The following EMCN variants were observed in gnomAD, a reference collection of about 807,000 sequenced individuals.
EMCN encodes the protein MUC-14.
Under a neutral mutation model 38.4 loss-of-function variants are expected in EMCN, and 37 were observed. That is an observed-to-expected ratio of 0.96 (90% CI 0.74 to 1.27). The LOEUF (loss-of-function observed/expected upper bound fraction) is 1.27, where lower values mean the gene tolerates loss of function less well. Among genes scored for constraint, EMCN ranks in the 50% most tolerant of loss-of-function variants. The pLI is 0.00. For synonymous variants in EMCN, 95 were observed against 100.8 expected, an observed-to-expected ratio of 0.94 and a Z score of 0.35; for missense variants, 318 against 302.8, an observed-to-expected ratio of 1.05 and a Z score of -0.37.
intron 3 of EMCN, among the ~76,000 whole-genome samples, chr4:100,469,781 T>G (rs357660): frequency 0.82 from 124,266 of 151,952 alleles, 52,224 homozygotes; most frequent in South Asian, 0.96. Context: ...CTGTTCCATT[T>G]GTCTATGGTT....
chr4:100,464,695 C>A (rs1351833376), intron 4 of EMCN, among the ~76,000 whole-genome samples: 1 of 152,008 alleles, frequency 6.6e-6, no homozygotes, highest in Admixed American at 6.6e-5. Context: ...TTAAACTAAT[C>A]TTGCATTTCT....
chr4:100,436,144 A>G (rs1727345726), intron 5 of EMCN, among the ~76,000 whole-genome samples: 1 of 152,102 alleles, frequency 6.6e-6, no homozygotes, highest in African/African-American at 2.4e-5. Flanking sequence ...TAAAAGTGTA[A>G]TATCCAGACC....
At chr4:100,410,185 T>C in intron 11 of EMCN, 97 bp downstream of exon 11, 1 of 883,754 alleles carries the variant, frequency 1.1e-6, no homozygotes, top group Non-Finnish European at 1.8e-6. Context: ...CCATTAGCTT[T>C]CCAGCTTTTG....
intron 1 of EMCN, among the ~76,000 whole-genome samples, chr4:100,488,956 C>A (rs534281254): frequency 6.6e-6 from 1 of 152,090 alleles, no homozygotes; most frequent in Non-Finnish European, 1.5e-5. Context: ...AAATGACTGG[C>A]ATTCCAAGAA....
At chr4:100,501,747 G>A (rs1729355806) in intron 1 of EMCN, among the ~76,000 whole-genome samples, 1 of 151,848 alleles carries the variant, frequency 6.6e-6, no homozygotes, top group East Asian at 1.9e-4. Flanking sequence ...TTCCGTAAAT[G>A]GCATATTGCT....
At chr4:100,443,555 C>T (rs558681632) in intron 5 of EMCN, among the ~76,000 whole-genome samples, 1 of 152,332 alleles carries the variant, frequency 6.6e-6, no homozygotes, top group East Asian at 1.9e-4. Flanking sequence ...CTGAAGAAAA[C>T]TATTTTTGTG....
chr4:100,438,540 A>T (rs1317552115), intron 5 of EMCN, among the ~76,000 whole-genome samples: 1 of 150,688 alleles, frequency 6.6e-6, no homozygotes, highest in Non-Finnish European at 1.5e-5. Flanking sequence ...GCAAGTGGAG[A>T]TTTTTTTTTC....
At chr4:100,448,476 T>C (rs1199069887) in intron 4 of EMCN, among the ~76,000 whole-genome samples, 1 of 152,164 alleles carries the variant, frequency 6.6e-6, no homozygotes, top group African/African-American at 2.4e-5. Flanking sequence ...TGTTTTCCAG[T>C]TGCACAAAAC....
intron 1 of EMCN, among the ~76,000 whole-genome samples, chr4:100,514,216 C>T (rs1239038012): frequency 6.6e-6 from 1 of 151,978 alleles, no homozygotes; most frequent in African/African-American, 2.4e-5. Flanking sequence ...TGTCCAAAAC[C>T]AAATACCATT....
rs1729804889 is a variant in EMCN at position 100,518,015 on chromosome 4, G to C, written c.-101C>G. The stretch of plus-strand genomic sequence containing the variant: ...CTTATTAGCAAATGGAAAAGGTGTA[G>C]TGAATGTGAATAGCCACTGCCCATT... On this transcript the variant is annotated 5_prime_UTR_variant, in exon 1 of 12. Transcript: ENST00000296420. 1 of 1,099,864 alleles carries C rather than the reference G, an allele frequency of 9.1e-7. No individual in the cohort carries two copies. The highest frequency in any genetic ancestry group is 1.5e-5 in the African/African-American group (1 of 64,824). The allele number at this position is 1,099,864 out of a possible 1,614,324, so 68.1% of individuals were successfully genotyped here.
chr4:100,463,463 T>C (rs1426839064), intron 4 of EMCN, among the ~76,000 whole-genome samples: 1 of 152,188 alleles, frequency 6.6e-6, no homozygotes, highest in Non-Finnish European at 1.5e-5. Context: ...CTCATCATTT[T>C]CTTTCCTTCT....
chr4:100,486,656 G>A (rs938179273), intron 1 of EMCN, among the ~76,000 whole-genome samples: 2 of 152,244 alleles, frequency 1.3e-5, no homozygotes, highest in African/African-American at 4.8e-5. Context: ...TCTGTGAGGT[G>A]GGGAGGGAGT....
chr4:100,457,625 A>G (rs1486190362), intron 4 of EMCN, among the ~76,000 whole-genome samples: 1 of 152,178 alleles, frequency 6.6e-6, no homozygotes, highest in Non-Finnish European at 1.5e-5. Flanking sequence ...ATGTTGAACC[A>G]TCTCGCATTC....
chr4:100,412,454 T>A (rs1382944140), intron 10 of EMCN, among the ~76,000 whole-genome samples: 3 of 152,104 alleles, frequency 2.0e-5, no homozygotes, highest in Non-Finnish European at 4.4e-5. Flanking sequence ...TTCCATAGAG[T>A]CATATATTTC....
intron 5 of EMCN, among the ~76,000 whole-genome samples, chr4:100,432,768 G>A (rs1560612520): frequency 2.0e-5 from 3 of 152,038 alleles, no homozygotes; most frequent in Admixed American, 1.3e-4. Flanking sequence ...GATCTTGATT[G>A]ATCAATTGAT....
intron 8 of EMCN, among the ~76,000 whole-genome samples, chr4:100,417,599 T>C (rs1022959074): frequency 6.6e-6 from 1 of 152,210 alleles, no homozygotes; most frequent in Non-Finnish European, 1.5e-5. Context: ...AGCTACAATG[T>C]AGATACTATA....
chr4:100,460,256 C>T (rs1325229735), intron 4 of EMCN, among the ~76,000 whole-genome samples: 1 of 152,024 alleles, frequency 6.6e-6, no homozygotes, highest in Non-Finnish European at 1.5e-5. Flanking sequence ...GTCCTTGGCC[C>T]ATTTTAAAAT....
chr4:100,496,564 A>G (rs2110296570), intron 1 of EMCN, among the ~76,000 whole-genome samples: 1 of 152,302 alleles, frequency 6.6e-6, no homozygotes, highest in South Asian at 2.1e-4. Flanking sequence ...TTATAATACT[A>G]CCACAAAAGT....
chr4:100,461,914 T>C (rs1728189426), intron 4 of EMCN, among the ~76,000 whole-genome samples: 1 of 152,212 alleles, frequency 6.6e-6, no homozygotes, highest in Admixed American at 6.5e-5. Context: ...GTTTTGTCTC[T>C]ATCTCTCTGT....
Sources: allele counts gnomAD v4.1 joint callset (sites outside exome capture counted in the v4.1 genomes callset), GRCh38; gene constraint gnomAD v4.1.1; transcripts MANE v1.5; gene names NCBI Gene and HGNC (gene_info 2026-07-23, HGNC 2026-07-21).